COL13A1: variants seen among roughly 807,000 people sequenced by gnomAD.
COL13A1 encodes the protein collagen alpha-1(XIII) chain.
COL13A1 carries 89 observed loss-of-function variants against 130.9 expected under a neutral mutation model. The ratio of observed to expected loss-of-function variants is 0.68; its 90% CI spans 0.57 to 0.81. The LOEUF (loss-of-function observed/expected upper bound fraction) is 0.81, where lower values mean the gene tolerates loss of function less well. Among genes scored for constraint, COL13A1 ranks in the 30% least tolerant of loss-of-function variants. The pLI, the probability that COL13A1 is intolerant of heterozygous loss-of-function variation, is 0.00. For missense variants in COL13A1, 879 were observed against 934.6 expected (o/e 0.94, Z 0.78); for synonymous variants, 402 against 341.6 (o/e 1.18, Z -1.95).
intron 2 of COL13A1, among the ~76,000 whole-genome samples, chr10:69,836,151 G>A (rs768061496): frequency 6.6e-6 from 1 of 152,210 alleles, no homozygotes; most frequent in Non-Finnish European, 1.5e-5. Flanking sequence ...CTGGTTCTGT[G>A]CCATGCCCCA....
At chr10:69,931,094 C>T (rs2066055788) in intron 30 of COL13A1, 8 of 449,614 alleles carry the variant, frequency 1.8e-5, no homozygotes, top group Admixed American at 1.4e-4. Flanking sequence ...CTGTGCAGGC[C>T]ACAGTTGGTC....
At chr10:69,805,230 C>A (rs1841223549) in intron 1 of COL13A1, among the ~76,000 whole-genome samples, 1 of 152,106 alleles carries the variant, frequency 6.6e-6, no homozygotes, top group South Asian at 2.1e-4. Flanking sequence ...AGTTATGCCC[C>A]TAGAGTGAGT....
At chr10:69,842,601 G>A (rs1240555437) in intron 2 of COL13A1, among the ~76,000 whole-genome samples, 5 of 152,198 alleles carry the variant, frequency 3.3e-5, no homozygotes, top group Non-Finnish European at 7.3e-5. Context: ...AAACGCAGGG[G>A]CTGGGCTTCA....
rs748046122 is a variant in COL13A1, at chr10:69,935,743, GC to G, written c.1770+355del. ...TCACCGGTCTGGCACAGTGGCTCAC[GC>G]CCGTGATACCAATCTGGCACTCTGG... On this transcript the variant is annotated intron_variant, in intron 32 of 40. Coordinates refer to ENST00000645393, the MANE Select transcript of COL13A1 (RefSeq NM_001368882.1). Among the ~76,000 whole-genome samples, 7 of 152,210 alleles carry G rather than the reference GC, an allele frequency of 4.6e-5. No individual in the cohort carries two copies. In the East Asian group the frequency reaches 1.2e-3, roughly 25 times the overall value.
At chr10:69,849,450 C>G (rs971274113) in intron 2 of COL13A1, among the ~76,000 whole-genome samples, 3 of 152,382 alleles carry the variant, frequency 2.0e-5, no homozygotes, top group Admixed American at 1.3e-4. Flanking sequence ...CCCCTCTGCT[C>G]TGTCTCTGGG....
intron 32 of COL13A1, 38 bp downstream of exon 32, chr10:69,935,429 T>A: frequency 1.4e-6 from 2 of 1,471,124 alleles, no homozygotes; most frequent in Admixed American, 2.1e-5. Flanking sequence ...AGTCCACTAA[T>A]GTCCCCTCTC....
chr10:69,947,376 A>G, intron 38 of COL13A1, 34 bp downstream of exon 38: 1 of 1,585,680 alleles, frequency 6.3e-7, no homozygotes, highest in Non-Finnish European at 8.6e-7. Context: ...TGCTCTAGTT[A>G]CTAATGTCTT....
intron 17 of COL13A1, among the ~76,000 whole-genome samples, chr10:69,912,991 G>A (rs1191719510): frequency 6.6e-6 from 1 of 152,226 alleles, no homozygotes; most frequent in Non-Finnish European, 1.5e-5. Context: ...CTCAGGTGCA[G>A]TGCCCAGCTG....
chr10:69,902,627 C>G (rs1337860139), intron 14 of COL13A1, 121 bp from the exon 15 acceptor site: 2 of 715,982 alleles, frequency 2.8e-6, no homozygotes, highest in East Asian at 3.2e-5. Context: ...TTCCTCCCCC[C>G]ATCACCACTC....
intron 2 of COL13A1, among the ~76,000 whole-genome samples, chr10:69,843,760 C>G (rs2763345): frequency 0.9 from 137,393 of 152,250 alleles, 62,097 homozygotes; most frequent in South Asian, 0.94. Flanking sequence ...TGATGGTGGT[C>G]ATGGGGTTGG....
chr10:69,810,905 G>C lies in COL13A1; in HGVS notation c.294+8188G>C, dbSNP rs1329480596. Among the ~76,000 whole-genome samples, 3 of 152,372 alleles carry C rather than the reference G, an allele frequency of 2.0e-5. No homozygotes were observed. In the East Asian group the frequency reaches 5.8e-4, roughly 29 times the overall value. ...GAAGGGGTGGGCCTGCTGGCAGGGG[G>C]TGCTCTCCTGGTCCTTCAAAGAGCA... On this transcript the variant is annotated intron_variant, in intron 1 of 40. Transcript: ENST00000645393.
At chr10:69,859,409 G>A (rs919346819) in intron 2 of COL13A1, among the ~76,000 whole-genome samples, 7 of 152,076 alleles carry the variant, frequency 4.6e-5, no homozygotes, top group African/African-American at 1.2e-4. Flanking sequence ...GGTGGCATTC[G>A]ACATGAGTCT....
chr10:69,932,613 G>C lies in COL13A1; in HGVS notation c.1728+9G>C. ...GCAATCCAGGAGCAGAGGTACATGA[G>C]AGATAATTTGACAGAGACTCATCAA... On this transcript the variant is annotated intron_variant, in intron 31 of 40. Coordinates refer to ENST00000645393, the MANE Select transcript of COL13A1 (RefSeq NM_001368882.1). The C allele has an allele frequency of 6.3e-7, 1 of 1,589,672 alleles. No homozygotes were observed. The highest frequency in any genetic ancestry group is 1.3e-5 in the African/African-American group (1 of 74,600).
At chr10:69,899,950 G>A (rs1008401185) in intron 14 of COL13A1, among the ~76,000 whole-genome samples, 5 of 152,212 alleles carry the variant, frequency 3.3e-5, no homozygotes, top group Admixed American at 2.0e-4. Flanking sequence ...GATTGAACAA[G>A]GCTGAAAAAT....
chr10:69,942,718 C>A (rs959775563), intron 35 of COL13A1, among the ~76,000 whole-genome samples: 19 of 152,228 alleles, frequency 1.2e-4, no homozygotes, highest in African/African-American at 4.3e-4. Flanking sequence ...GGCAGACACA[C>A]GTGGTACAGA....
In COL13A1 at chr10:69,933,135, C is replaced by CAAAAAAAAAAAAAAAAAAAAAAA. The variant is rs34323794; in HGVS notation, c.1728+541_1728+563dup. Among the ~76,000 whole-genome samples the CAAAAAAAAAAAAAAAAAAAAAAA allele has an allele frequency of 4.1e-4, 18 of 44,430 alleles. 1 individual carries two copies. Among genetic ancestry groups the CAAAAAAAAAAAAAAAAAAAAAAA allele is most frequent in the Non-Finnish European group, 6.5e-4 (16 of 24,528 alleles). The allele number at this position is 44,430 out of a possible 152,430, so 29.1% of individuals were successfully genotyped here. A position where few individuals can be genotyped will look rare whatever the true frequency, so the allele number is the denominator to read the frequency against. The stretch of plus-strand genomic sequence containing the variant: ...TGGGCAACAGAGTGAGACTCTGCCT[C>CAAAAAAAAAAAAAAAAAAAAAAA]AAAAAAAAAAAAAAAAAAAAAAAAA... On this transcript the variant is annotated intron_variant, in intron 31 of 40. Transcript: ENST00000645393.
At chr10:69,948,674 C>A (rs79183815) in intron 38 of COL13A1, among the ~76,000 whole-genome samples, 1,629 of 152,314 alleles carry the variant, frequency 0.011, 15 homozygotes, top group South Asian at 0.043. Context: ...TTATTATATT[C>A]AATTAGTATT....
intron 1 of COL13A1, among the ~76,000 whole-genome samples, chr10:69,810,390 C>CAGAG (rs1842741165): frequency 9.4e-6 from 1 of 106,134 alleles, no homozygotes; most frequent in Non-Finnish European, 2.1e-5. Flanking sequence ...GACAGAGAGT[C>CAGAG]TGTGTGGCCC....
At chr10:69,904,905 C>CCT (rs2062581713) in intron 15 of COL13A1, 28 bp from the exon 16 acceptor site, 3 of 1,474,962 alleles carry the variant, frequency 2.0e-6, no homozygotes, top group Non-Finnish European at 2.7e-6. Flanking sequence ...TTTCTTTTTT[C>CCT]TTTTTTTTTT....
Sources: gnomAD v4.1 joint callset for allele counts (sites outside exome capture counted in the v4.1 genomes callset) on GRCh38, gnomAD v4.1.1 for gene constraint, MANE v1.5 for transcripts, NCBI Gene and HGNC (gene_info 2026-07-23, HGNC 2026-07-21) for gene names.